Variants in MDGA2 observed in about 807,000 individuals in gnomAD.
MDGA2 encodes MAM domain containing glycosylphosphatidylinositol anchor 2.
MDGA2 carries 40 observed loss-of-function variants against 117.8 expected under a neutral mutation model. The observed-to-expected ratio is 0.34, with a 90% CI of 0.26 to 0.44. The LOEUF is 0.44. MDGA2 is among the 20% of genes least tolerant of loss of function. The pLI, the probability that MDGA2 is intolerant of heterozygous loss-of-function variation, is 1.00. For synonymous variants in MDGA2, 452 were observed against 439.0 expected (o/e 1.03, Z -0.37); for missense variants, 1,123 against 1,250.6 (o/e 0.90, Z 1.54).
At chr14:46,902,396 A>G (rs1883320791) in intron 10 of MDGA2, among the ~76,000 whole-genome samples, 1 of 152,110 alleles carries the variant, frequency 6.6e-6, no homozygotes, top group African/African-American at 2.4e-5. Flanking sequence ...CTCCCTCACT[A>G]CAGGGAAGAA....
chr14:46,957,330 C>G, intron 9 of MDGA2, 44 bp downstream of exon 9: 1 of 1,576,934 alleles, frequency 6.3e-7, no homozygotes, highest in African/African-American at 1.4e-5. Context: ...ATCTCTTGGT[C>G]TAATAAAACA....
At chr14:47,268,125 T>C (rs1594763006) in intron 2 of MDGA2, among the ~76,000 whole-genome samples, 2 of 151,330 alleles carry the variant, frequency 1.3e-5, no homozygotes, top group African/African-American at 4.9e-5. Context: ...CAGGCTGGAG[T>C]GCAATGGTGC....
chr14:47,208,629 G>T (rs942082671), intron 3 of MDGA2, among the ~76,000 whole-genome samples: 4 of 150,268 alleles, frequency 2.7e-5, no homozygotes, highest in Non-Finnish European at 5.9e-5. Context: ...TCCATGAACC[G>T]CCTGGAAATC....
intron 10 of MDGA2, among the ~76,000 whole-genome samples, chr14:46,899,443 T>G (rs1400649253): frequency 6.6e-6 from 1 of 151,916 alleles, no homozygotes; most frequent in Non-Finnish European, 1.5e-5. Context: ...ACTCAGGTGG[T>G]TAGAAAGAAG....
intron 9 of MDGA2, among the ~76,000 whole-genome samples, chr14:46,924,356 TA>T (rs1884246393): frequency 2.0e-5 from 3 of 152,046 alleles, no homozygotes; most frequent in Admixed American, 2.0e-4. Flanking sequence ...TATGAACACT[TA>T]AAATGTGCTC....
intron 2 of MDGA2, among the ~76,000 whole-genome samples, chr14:47,270,274 C>T (rs1038338836): frequency 4.6e-5 from 7 of 152,022 alleles, no homozygotes; most frequent in Admixed American, 2.6e-4. Context: ...TTCCAGAGTA[C>T]CAGAATTTTC....
chr14:47,487,944 T>G (rs1487492155), intron 1 of MDGA2, among the ~76,000 whole-genome samples: 1 of 152,154 alleles, frequency 6.6e-6, no homozygotes, highest in East Asian at 1.9e-4. Flanking sequence ...AGAATTTTCT[T>G]GCCTATGAAG....
chr14:47,377,566 T>G (rs190359956), intron 1 of MDGA2, among the ~76,000 whole-genome samples: 5 of 152,090 alleles, frequency 3.3e-5, no homozygotes, highest in African/African-American at 1.2e-4. Flanking sequence ...GGAGATTATA[T>G]CCCATGCATG....
chr14:47,568,707 G>A (rs1895962867), intron 1 of MDGA2, among the ~76,000 whole-genome samples: 1 of 152,120 alleles, frequency 6.6e-6, no homozygotes, highest in Non-Finnish European at 1.5e-5. Flanking sequence ...AATCGTTATA[G>A]TCTATAAAAA....
At chr14:46,975,201 G>A (rs1390462667) in intron 8 of MDGA2, among the ~76,000 whole-genome samples, 1 of 152,090 alleles carries the variant, frequency 6.6e-6, no homozygotes, top group Non-Finnish European at 1.5e-5. Context: ...AATAACAAAT[G>A]TTGGTGAGAA....
intron 5 of MDGA2, among the ~76,000 whole-genome samples, chr14:47,100,505 A>G (rs1341712959): frequency 6.6e-6 from 1 of 152,160 alleles, no homozygotes; most frequent in African/African-American, 2.4e-5. Context: ...CCTTATTACC[A>G]TGAAAAAAGT....
At chr14:47,340,282 ACCAATTT>A (rs1269136569) in intron 1 of MDGA2, among the ~76,000 whole-genome samples, 3 of 152,134 alleles carry the variant, frequency 2.0e-5, no homozygotes, top group Admixed American at 6.6e-5. Context: ...CAATGCATAA[ACCAATTT>A]ATAAATAGAA....
At chr14:47,612,869 T>C (rs8016013) in intron 1 of MDGA2, among the ~76,000 whole-genome samples, 81,863 of 152,006 alleles carry the variant, frequency 0.54, 23,148 homozygotes, top group East Asian at 0.89. Flanking sequence ...GTGCTCCAGT[T>C]ATCTAAACCT....
chr14:47,432,892 A>G (rs1275472826), intron 1 of MDGA2, among the ~76,000 whole-genome samples: 1 of 152,064 alleles, frequency 6.6e-6, no homozygotes, highest in African/African-American at 2.4e-5. Flanking sequence ...AGAAGTTGGT[A>G]GCATATCAGA....
chr14:47,389,604 ACC>A lies in MDGA2; in HGVS notation c.281-88056_281-88055del, dbSNP rs1289773146. On this transcript the variant is annotated intron_variant, in intron 1 of 16. Coordinates refer to ENST00000399232, the MANE Select transcript of MDGA2 (RefSeq NM_001113498.3). ...TTTGCAGGAAAACACACACACACACACCCACACACACACACACACACACACAC... is the reference window on the plus strand; with the variant it reads ...TTTGCAGGAAAACACACACACACACACACACACACACACACACACACACAC... 2.7e-4 allele frequency among the ~76,000 whole-genome samples: 15 copies of A among 56,092 alleles called. No homozygotes were observed. In the South Asian group the frequency reaches 3.0e-3, roughly 11 times the overall value. The allele number at this position is 56,092 out of a possible 152,430, so 36.8% of individuals were successfully genotyped here.
chr14:47,117,002 C>T (rs1282702080), intron 5 of MDGA2, among the ~76,000 whole-genome samples: 2 of 151,540 alleles, frequency 1.3e-5, no homozygotes, highest in East Asian at 3.9e-4. Context: ...AAATGCAAAC[C>T]ATATATCCAA....
intron 2 of MDGA2, among the ~76,000 whole-genome samples, chr14:47,268,333 C>G (rs975083303): frequency 4.6e-5 from 7 of 152,102 alleles, no homozygotes; most frequent in Non-Finnish European, 8.8e-5. Context: ...CCTCGGCCTC[C>G]CAAAGTGCTG....
chr14:47,144,805 T>C (rs940651289), intron 3 of MDGA2, among the ~76,000 whole-genome samples: 2 of 149,410 alleles, frequency 1.3e-5, no homozygotes, highest in African/African-American at 2.5e-5. Flanking sequence ...TGTGCTACCA[T>C]GCCCGGCTAA....
At chr14:47,481,808 A>G (rs1211537862) in intron 1 of MDGA2, among the ~76,000 whole-genome samples, 1 of 152,014 alleles carries the variant, frequency 6.6e-6, no homozygotes, top group Non-Finnish European at 1.5e-5. Flanking sequence ...TGAAAATTAA[A>G]ATGCTACAAA....
Sources: gnomAD v4.1 joint callset for allele counts (sites outside exome capture counted in the v4.1 genomes callset) on GRCh38, gnomAD v4.1.1 for gene constraint, MANE v1.5 for transcripts, NCBI Gene and HGNC (gene_info 2026-07-23, HGNC 2026-07-21) for gene names.